Variants in ZFPM1 observed in about 807,000 individuals in gnomAD.
ZFPM1 encodes zinc finger protein ZFPM1.
In ZFPM1, 28 loss-of-function variants were observed where a neutral mutation model predicts 46.3. The observed-to-expected ratio is 0.60, with a 90% CI of 0.45 to 0.83. ZFPM1 has a LOEUF of 0.83. ZFPM1 is among the 40% of genes least tolerant of loss of function. The pLI is 0.00. For missense variants in ZFPM1, 1,878 were observed against 1,432.4 expected (o/e 1.31, Z -5.02); for synonymous variants, 957 against 675.9 (o/e 1.42, Z -6.45).
chr16:88,468,892 GCCA>G (rs1304359081), intron 1 of ZFPM1: 1 of 153,066 alleles, frequency 6.5e-6, no homozygotes. Context: ...GGAGACCTCT[GCCA>G]CCACCACCAC....
chr16:88,482,243 C>T (rs963389041), intron 1 of ZFPM1, among the ~76,000 whole-genome samples: 1 of 152,000 alleles, frequency 6.6e-6, no homozygotes, highest in Non-Finnish European at 1.5e-5. Context: ...TGCTCTGTCG[C>T]CCACCTGGAG....
intron 2 of ZFPM1, 121 bp downstream of exon 2, chr16:88,486,164 G>A: frequency 3.9e-6 from 4 of 1,035,810 alleles, no homozygotes; most frequent in Non-Finnish European, 5.6e-6. Context: ...CAGGAGTCCA[G>A]GACAGGCGTC....
chr16:88,487,835 T>A (rs13336560), intron 2 of ZFPM1, among the ~76,000 whole-genome samples: 1 of 151,966 alleles, frequency 6.6e-6, no homozygotes, highest in Non-Finnish European at 1.5e-5. Flanking sequence ...CCATCTCCCC[T>A]AGCTCACCCA....
chr16:88,455,135 GTGTGTGTGTGTGT>G (rs1907483771), intron 1 of ZFPM1, among the ~76,000 whole-genome samples: 1 of 49,810 alleles, frequency 2.0e-5, no homozygotes, highest in Non-Finnish European at 4.9e-5. Context: ...GTTCTGGGGT[GTGTGTGTGTGTGT>G]GTGTGTGTGT....
At chr16:88,508,904 T>G (rs1263396749) in intron 3 of ZFPM1, among the ~76,000 whole-genome samples, 1 of 152,162 alleles carries the variant, frequency 6.6e-6, no homozygotes, top group African/African-American at 2.4e-5. Flanking sequence ...CCCGCGGGGT[T>G]TGCCTGCGTG....
chr16:88,519,048 AGATGGATGGATG>A (rs371844825), intron 4 of ZFPM1, among the ~76,000 whole-genome samples: 45 of 108,012 alleles, frequency 4.2e-4, no homozygotes, highest in African/African-American at 9.1e-4. Flanking sequence ...GTGGATGGAT[AGATGGATGGATG>A]GATGGATGGA....
chr16:88,522,530 G>T (rs1031077580), intron 4 of ZFPM1, among the ~76,000 whole-genome samples: 16 of 152,244 alleles, frequency 1.1e-4, no homozygotes, highest in African/African-American at 3.9e-4. Context: ...CTGCTTCAGA[G>T]CTTCACAGCG....
chr16:88,520,594 G>A (rs535276283), intron 4 of ZFPM1, among the ~76,000 whole-genome samples: 2,179 of 69,256 alleles, frequency 0.031, 52 homozygotes, highest in East Asian at 0.074. Flanking sequence ...GGATGGGAGG[G>A]TGAGTGGGTG....
intron 1 of ZFPM1, among the ~76,000 whole-genome samples, chr16:88,485,219 C>T (rs921119324): frequency 5.3e-5 from 8 of 152,148 alleles, no homozygotes; most frequent in Non-Finnish European, 1.2e-4. Context: ...AGGGAGGGCC[C>T]ACTCGCAGCT....
chr16:88,493,181 G>A (rs868041793), intron 3 of ZFPM1, among the ~76,000 whole-genome samples: 19 of 102,202 alleles, frequency 1.9e-4, no homozygotes, highest in Middle Eastern at 7.7e-3. Context: ...CCCGGAGTGA[G>A]GAGAGCTGTC....
chr16:88,524,771 CG>C (rs1204434160), intron 4 of ZFPM1, among the ~76,000 whole-genome samples: 1 of 152,240 alleles, frequency 6.6e-6, no homozygotes, highest in African/African-American at 2.4e-5. Context: ...TGGTGGGCTT[CG>C]GGTGGGTCCA....
At chr16:88,512,517 G>A (rs376885332) in intron 3 of ZFPM1, among the ~76,000 whole-genome samples, 3 of 152,134 alleles carry the variant, frequency 2.0e-5, no homozygotes, top group Non-Finnish European at 4.4e-5. Flanking sequence ...GGGGCTTCTC[G>A]GACAAGGGGT....
In ZFPM1 at chr16:88,533,324, C is replaced by T. The variant is rs1567557438; in HGVS notation, c.1366C>T (p.Pro456Ser). 1 of 1,532,152 alleles carries T rather than the reference C, an allele frequency of 6.5e-7. No individual in the cohort carries two copies. The highest frequency in any genetic ancestry group is 8.7e-7 in the Non-Finnish European group (1 of 1,143,624). 94.9% of individuals were successfully genotyped at this position (1,532,152 alleles called of 1,614,324 possible). ...CCAGAATGGAGGCAGCAGCGAGCCC[C>T]CGGCGGCCCCCAGGAGCATCAAGGT... The part of the protein sequence containing the change: ...LAQNGGSSEP[P>S]AAPRSIKVEA... Residue 456 changes from proline (P) to serine (S), a missense_variant, in exon 10 of 10, where the codon CCG becomes TCG. Physicochemically the swap from Pro to Ser is moderately conservative, Grantham distance 74. Transcript: ENST00000319555.
chr16:88,518,743 G>C (rs985290632), intron 4 of ZFPM1, among the ~76,000 whole-genome samples: 1 of 113,148 alleles, frequency 8.8e-6, no homozygotes, highest in Non-Finnish European at 2.1e-5. Flanking sequence ...GAGGGTGGAT[G>C]GATGGATGGA....
intron 3 of ZFPM1, among the ~76,000 whole-genome samples, chr16:88,508,532 G>A (rs1367627889): frequency 6.6e-6 from 1 of 152,196 alleles, no homozygotes; most frequent in Non-Finnish European, 1.5e-5. Context: ...TCTCTCCTGG[G>A]CACAGGCCCA....
In ZFPM1 at chr16:88,471,623, T is replaced by A. The variant is rs1301406573; in HGVS notation, c.41-14316T>A. Reference sequence around the variant, plus strand: ...TGATCGTGGCTGTAGCGGCTCCCACTCACAGAGGTGGGGTCAGGGCCCCAA... The same window carrying A: ...TGATCGTGGCTGTAGCGGCTCCCACACACAGAGGTGGGGTCAGGGCCCCAA... On this transcript the variant is annotated intron_variant, in intron 1 of 9. Coordinates refer to ENST00000319555, the MANE Select transcript of ZFPM1 (RefSeq NM_153813.3). This position sits in a 1 kb window ranked among gnomAD's most constrained non-coding sequence, Gnocchi z 4.1. Among the ~76,000 whole-genome samples, 1 of 150,134 alleles carries A rather than the reference T, an allele frequency of 6.7e-6. No individual in the cohort carries two copies. Among genetic ancestry groups the A allele is most frequent in the Non-Finnish European group, 1.5e-5 (1 of 67,558 alleles).
At chr16:88,461,167 GGTGAGGAC>G (rs1907853292) in intron 1 of ZFPM1, among the ~76,000 whole-genome samples, 1 of 138,398 alleles carries the variant, frequency 7.2e-6, no homozygotes, top group African/African-American at 3.1e-5. Flanking sequence ...CGGGAGACCT[GGTGAGGAC>G]CGAGGGGCGG....
chr16:88,524,817 C>A (rs550022593), intron 4 of ZFPM1, among the ~76,000 whole-genome samples: 2 of 152,216 alleles, frequency 1.3e-5, no homozygotes, highest in African/African-American at 2.4e-5. Flanking sequence ...CTCTGTCCCC[C>A]CAACAGCCAT....
At position 88,503,022 on chromosome 16, in the gene ZFPM1, C is replaced by T. The variant is rs933683507; in HGVS notation, c.269-11365C>T. 5.3e-5 allele frequency among the ~76,000 whole-genome samples: 8 copies of T among 152,244 alleles called. 1 individual carries two copies. In the South Asian group the frequency reaches 6.2e-4, roughly 12 times the overall value. On this transcript the variant is annotated intron_variant, in intron 3 of 9. Transcript: ENST00000319555. ...GCTGGAAGGCTGTGTGCGGTCTCTT[C>T]GGCAGGTGGGAGGTGGCAGGGGCGC... is the stretch of plus-strand genomic sequence containing the variant.
Sources: gnomAD v4.1 joint callset for allele counts (sites outside exome capture counted in the v4.1 genomes callset) on GRCh38, gnomAD v4.1.1 for gene constraint, Gnocchi (gnomAD v3.1) non-coding constraint, MANE v1.5 for transcripts, NCBI Gene and HGNC (gene_info 2026-07-23, HGNC 2026-07-21) for gene names.